The following C1orf141 variants were observed in gnomAD, a reference collection of about 807,000 sequenced individuals.
C1orf141 encodes uncharacterized protein C1orf141.
Under a neutral mutation model 23.2 loss-of-function variants are expected in C1orf141, and 19 were observed. That is an observed-to-expected ratio of 0.82 (90% CI 0.57 to 1.20). The LOEUF is 1.20. Ranked by LOEUF, C1orf141 falls within the 50% of genes most tolerant of loss-of-function variation. The pLI, the probability that C1orf141 is intolerant of heterozygous loss-of-function variation, is 0.00. For synonymous variants in C1orf141, 153 were observed against 154.6 expected, an observed-to-expected ratio of 0.99 and a Z score of 0.08; for missense variants, 469 against 455.1, an observed-to-expected ratio of 1.03 and a Z score of -0.28.
At position 67,115,402 on chromosome 1, in the gene C1orf141, C is replaced by T. The variant is rs1026836869; in HGVS notation, c.296G>A (p.Arg99Lys). Residue 99 changes from arginine to lysine, a missense_variant, in exon 5 of 8, where the codon AGA becomes AAA. Transcript: ENST00000684719. ...RKSNFEKSNLRPFFIQTNVKN... is the reference protein window; with the variant it reads ...RKSNFEKSNLKPFFIQTNVKN... The stretch of plus-strand genomic sequence containing the variant: ...TACATTTGTTTGAATAAAGAATGGT[C>T]TTAAATTTGACTTTTCAAAATTACT... 7.3e-6 allele frequency: 11 copies of T among 1,500,068 alleles called. No individual in the cohort carries two copies. Among genetic ancestry groups the T allele is most frequent in the Middle Eastern group, 3.5e-4 (2 of 5,782 alleles). 92.9% of individuals were successfully genotyped at this position (1,500,068 alleles called of 1,614,324 possible).
chr1:67,117,314 T>C (rs1423338485), intron 4 of C1orf141, among the ~76,000 whole-genome samples: 1 of 152,040 alleles, frequency 6.6e-6, no homozygotes, highest in Non-Finnish European at 1.5e-5. Context: ...TCCCAGCTAC[T>C]CGGGAGGCTG....
At chr1:67,102,614 G>A (rs904724074) in intron 5 of C1orf141, 1 of 152,034 alleles carries the variant, frequency 6.6e-6, no homozygotes, top group African/African-American at 2.4e-5. Flanking sequence ...GACCATTGAC[G>A]AAAGAGAGAG....
intron 4 of C1orf141, among the ~76,000 whole-genome samples, chr1:67,118,368 A>G (rs1035788728): frequency 6.6e-6 from 1 of 152,168 alleles, no homozygotes; most frequent in Non-Finnish European, 1.5e-5. Flanking sequence ...TCTTTTCTCA[A>G]TGTGGGAGGG....
At chr1:67,111,560 A>G in intron 5 of C1orf141, 3 of 1,077,198 alleles carry the variant, frequency 2.8e-6, no homozygotes, top group Non-Finnish European at 3.8e-6. Flanking sequence ...ATTACTGAGT[A>G]TACAAATTAC....
chr1:67,111,698 C>G, intron 5 of C1orf141: 1 of 769,636 alleles, frequency 1.3e-6, no homozygotes, highest in Non-Finnish European at 2.0e-6. Context: ...CTAATTAAAC[C>G]CAATCAACCA....
At chr1:67,129,390 A>G (rs2102502961) in intron 2 of C1orf141, among the ~76,000 whole-genome samples, 1 of 152,212 alleles carries the variant, frequency 6.6e-6, no homozygotes, top group East Asian at 1.9e-4. Context: ...ATTTGAGTCC[A>G]GGAGTTTGAG....
chr1:67,098,270 C>T (rs1645727922), intron 5 of C1orf141, among the ~76,000 whole-genome samples: 1 of 152,152 alleles, frequency 6.6e-6, no homozygotes, highest in South Asian at 2.1e-4. Context: ...CCTATAATCC[C>T]AGCGCTTTAA....
chr1:67,110,914 T>A (rs953211366), intron 5 of C1orf141, among the ~76,000 whole-genome samples: 2 of 148,344 alleles, frequency 1.3e-5, no homozygotes, highest in African/African-American at 4.9e-5. Context: ...CATATTTCTT[T>A]ATATATATAT....
chr1:67,115,577 T>C (rs1251535065), intron 4 of C1orf141, 113 bp from the exon 5 acceptor site: 3 of 522,424 alleles, frequency 5.7e-6, no homozygotes, highest in Non-Finnish European at 1.0e-5. Flanking sequence ...TTGGATGTTA[T>C]GTTAATGTTG....
chr1:67,116,475 C>G (rs1185456636), intron 4 of C1orf141, among the ~76,000 whole-genome samples: 1 of 151,894 alleles, frequency 6.6e-6, no homozygotes, highest in Non-Finnish European at 1.5e-5. Flanking sequence ...CCTGCTATTA[C>G]ACTTGTCCTC....
At chr1:67,096,398 T>A (rs1645682622) in intron 5 of C1orf141, 77 bp from the exon 6 acceptor site, 1 of 765,316 alleles carries the variant, frequency 1.3e-6, no homozygotes, top group African/African-American at 1.8e-5. Flanking sequence ...CAAAATATTT[T>A]ACAATTTAAA....
intron 5 of C1orf141, among the ~76,000 whole-genome samples, chr1:67,109,326 CAAAAAAAAAAAAAAAA>C (rs58157985): frequency 2.4e-5 from 2 of 83,426 alleles, no homozygotes; most frequent in African/African-American, 9.9e-5. Context: ...GACTCCGTCT[CAAAAAAAAAAAAAAAA>C]AAAAAAAAAA....
chr1:67,095,076 A>C lies in C1orf141; in HGVS notation c.603+159T>G. 5.9e-6 allele frequency: 3 copies of C among 510,228 alleles called. No homozygotes were observed. The South Asian group carries it at 1.1e-4, about 19-fold the overall frequency. The allele number at this position is 510,228 out of a possible 1,614,324, so 31.6% of individuals were successfully genotyped here. The stretch of plus-strand genomic sequence containing the variant: ...GGAATCCCTGGTTTGGGAGTTGTGC[A>C]AAGTGCATTAAGAACTTAAGTGCTG... On this transcript the variant is annotated intron_variant, in intron 7 of 7. Transcript: ENST00000684719.
chr1:67,115,270 A>C (rs1646170337), intron 5 of C1orf141, 82 bp downstream of exon 5: 1 of 621,788 alleles, frequency 1.6e-6, no homozygotes, highest in Non-Finnish European at 2.9e-6. Flanking sequence ...AAGAACCTTT[A>C]AGACACACAT....
chr1:67,104,696 C>A (rs959098650), intron 5 of C1orf141, among the ~76,000 whole-genome samples: 1 of 152,108 alleles, frequency 6.6e-6, no homozygotes, highest in African/African-American at 2.4e-5. Context: ...AACAGCTTTT[C>A]AGTTCTTTTT....
intron 5 of C1orf141, chr1:67,111,448 A>T: frequency 4.5e-6 from 2 of 448,712 alleles, no homozygotes; most frequent in South Asian, 1.2e-4. Flanking sequence ...AGATGAAATC[A>T]CTTTAACATT....
chr1:67,135,424 T>C (rs983764568), upstream of C1orf141, among the ~76,000 whole-genome samples: 1 of 152,228 alleles, frequency 6.6e-6, no homozygotes, highest in East Asian at 1.9e-4. Flanking sequence ...ACCATTCTTA[T>C]TTCCAAGGCC....
At chr1:67,113,797 C>T in intron 5 of C1orf141, 1 of 951,428 alleles carries the variant, frequency 1.1e-6, no homozygotes, top group Non-Finnish European at 1.5e-6. Context: ...GAGATTTTTG[C>T]TACCATTATG....
At chr1:67,132,936 A>G (rs572214889) in intron 1 of C1orf141, among the ~76,000 whole-genome samples, 1 of 152,344 alleles carries the variant, frequency 6.6e-6, no homozygotes, top group Non-Finnish European at 1.5e-5. Flanking sequence ...AATAGAGGCC[A>G]TGCCAATTGG....
Sources: gnomAD v4.1 joint callset for allele counts (sites outside exome capture counted in the v4.1 genomes callset) on GRCh38, gnomAD v4.1.1 for gene constraint, MANE v1.5 for transcripts, NCBI Gene and HGNC (gene_info 2026-07-23, HGNC 2026-07-21) for gene names.